Variants in CSMD1 observed in about 807,000 individuals in gnomAD.
The protein encoded by CSMD1 is CUB and Sushi multiple domains 1, also known as CUB and sushi domain-containing protein 1.
Under a neutral mutation model 417.5 loss-of-function variants are expected in CSMD1, and 213 were observed. That is an observed-to-expected ratio of 0.51 (90% confidence interval 0.46 to 0.57). The LOEUF (loss-of-function observed/expected upper bound fraction) is 0.57, where lower values mean the gene tolerates loss of function less well. CSMD1 is among the 20% of genes least tolerant of loss of function. The pLI is 0.00. For missense variants in CSMD1, 6,923 were observed against 4,529.7 expected (o/e 1.53, Z -15.17); for synonymous variants, 2,862 against 1,736.8 (o/e 1.65, Z -16.11).
chr8:3,584,008 A>G (rs895208825), intron 9 of CSMD1, among the ~76,000 whole-genome samples: 1 of 151,998 alleles, frequency 6.6e-6, no homozygotes, highest in South Asian at 2.1e-4. Context: ...CACTAGTAAA[A>G]CCCATCCACT....
At chr8:4,435,764 C>G (rs891848450) in intron 2 of CSMD1, among the ~76,000 whole-genome samples, 1 of 152,168 alleles carries the variant, frequency 6.6e-6, no homozygotes, top group African/African-American at 2.4e-5. Flanking sequence ...TAAAAAGTAC[C>G]ATACCTTTGA....
At chr8:3,806,236 A>G (rs1800733731) in intron 5 of CSMD1, among the ~76,000 whole-genome samples, 1 of 152,158 alleles carries the variant, frequency 6.6e-6, no homozygotes, top group African/African-American at 2.4e-5. Context: ...ATTATGGAGT[A>G]CATGCAGGTT....
At chr8:4,888,809 C>A (rs993758152) in intron 1 of CSMD1, among the ~76,000 whole-genome samples, 1 of 151,952 alleles carries the variant, frequency 6.6e-6, no homozygotes. Context: ...GTCACAAAGG[C>A]CAACTTGAAG....
chr8:3,205,705 C>T (rs866071838), intron 30 of CSMD1, 85 bp from the exon 31 acceptor site: 33 of 549,112 alleles, frequency 6.0e-5, no homozygotes, highest in African/African-American at 2.2e-4. Flanking sequence ...ACATCAAACA[C>T]GTGAGCACGT....
chr8:3,514,814 T>C (rs1797220362), intron 10 of CSMD1, among the ~76,000 whole-genome samples: 1 of 152,196 alleles, frequency 6.6e-6, no homozygotes. Context: ...AGTGGGTACC[T>C]ATATTATTAA....
chr8:3,427,970 A>C (rs1813963515), intron 12 of CSMD1, among the ~76,000 whole-genome samples: 1 of 152,352 alleles, frequency 6.6e-6, no homozygotes, highest in African/African-American at 2.4e-5. Flanking sequence ...GGAATTTTGA[A>C]TTTTAGAAAA....
intron 2 of CSMD1, among the ~76,000 whole-genome samples, chr8:4,482,057 G>A: frequency 6.6e-6 from 1 of 152,120 alleles, no homozygotes; most frequent in Non-Finnish European, 1.5e-5. Context: ...CTTTATGACT[G>A]TATACAAAAT....
chr8:4,633,720 C>A (rs1031148721), intron 2 of CSMD1, among the ~76,000 whole-genome samples: 2 of 152,030 alleles, frequency 1.3e-5, no homozygotes, highest in East Asian at 1.9e-4. Context: ...CCATGTCCAG[C>A]TAATTTTTTT....
chr8:4,534,635 A>G (rs757138341), intron 2 of CSMD1, among the ~76,000 whole-genome samples: 21 of 151,852 alleles, frequency 1.4e-4, no homozygotes, highest in Admixed American at 2.0e-4. Flanking sequence ...TCCCATTTTT[A>G]TGGCCATGTG....
chr8:3,577,640 T>A lies in CSMD1; in HGVS notation c.1223-2574A>T, dbSNP rs182192449. 2.1e-3 allele frequency among the ~76,000 whole-genome samples: 316 copies of A among 152,276 alleles called. 2 individuals carry two copies. Among genetic ancestry groups the A allele is most frequent in the African/African-American group, 6.8e-3 (281 of 41,556 alleles). ...AATATTAGCATAGCTTCTGAATAGG[T>A]GTAACAGCCTTAAGTCACATAACCT... On this transcript the variant is annotated intron_variant, in intron 9 of 69. Coordinates refer to ENST00000635120, the MANE Select transcript of CSMD1 (RefSeq NM_033225.6).
At chr8:4,231,831 C>T (rs916025649) in intron 3 of CSMD1, among the ~76,000 whole-genome samples, 1 of 152,114 alleles carries the variant, frequency 6.6e-6, no homozygotes, top group East Asian at 1.9e-4. Flanking sequence ...GGAAAAGCAC[C>T]CAGAATATCT....
intron 36 of CSMD1, among the ~76,000 whole-genome samples, chr8:3,187,222 CA>C (rs1222685938): frequency 6.6e-6 from 1 of 152,102 alleles, no homozygotes; most frequent in Admixed American, 6.5e-5. Flanking sequence ...AATGCTATTA[CA>C]AAGCAAAGTG....
intron 11 of CSMD1, among the ~76,000 whole-genome samples, chr8:3,474,200 T>A (rs1817276965): frequency 6.6e-6 from 1 of 152,184 alleles, no homozygotes; most frequent in Non-Finnish European, 1.5e-5. Context: ...CATGTGAGGT[T>A]TATTGGCATT....
chr8:4,167,222 G>C (rs1174500924), intron 3 of CSMD1, among the ~76,000 whole-genome samples: 6 of 152,062 alleles, frequency 3.9e-5, no homozygotes, highest in Admixed American at 6.5e-5. Context: ...GGAAAATCCT[G>C]ATTTTAGGGA....
chr8:4,036,581 G>C (rs963507954), intron 3 of CSMD1, among the ~76,000 whole-genome samples: 1 of 152,134 alleles, frequency 6.6e-6, no homozygotes, highest in Non-Finnish European at 1.5e-5. Context: ...TTTAGGAAAG[G>C]TATTTTTAAT....
chr8:4,869,914 T>C (rs1563635545), intron 1 of CSMD1, among the ~76,000 whole-genome samples: 1 of 152,066 alleles, frequency 6.6e-6, no homozygotes, highest in African/African-American at 2.4e-5. Flanking sequence ...TTTTAGAGTA[T>C]AAAAGTGGTC....
At chr8:3,765,928 G>C (rs1158802277) in intron 5 of CSMD1, among the ~76,000 whole-genome samples, 1 of 152,244 alleles carries the variant, frequency 6.6e-6, no homozygotes, top group Non-Finnish European at 1.5e-5. Flanking sequence ...TTGAGAGAAG[G>C]CTGTAAAAAT....
intron 5 of CSMD1, among the ~76,000 whole-genome samples, chr8:3,865,483 G>A (rs1054600757): frequency 3.3e-5 from 5 of 152,032 alleles, no homozygotes; most frequent in African/African-American, 9.7e-5. Flanking sequence ...GAGGTGCTCT[G>A]GGAAATCAGA....
chr8:4,284,298 G>A (rs1304704873), intron 3 of CSMD1, among the ~76,000 whole-genome samples: 1 of 152,102 alleles, frequency 6.6e-6, no homozygotes, highest in African/African-American at 2.4e-5. Context: ...AACCCAGGAG[G>A]CGGAGGTTGC....
Sources: allele counts gnomAD v4.1 joint callset (sites outside exome capture counted in the v4.1 genomes callset), GRCh38; gene constraint gnomAD v4.1.1; transcripts MANE v1.5; gene names NCBI Gene and HGNC (gene_info 2026-07-23, HGNC 2026-07-21).